The following MYO16 variants were observed in gnomAD, a reference collection of about 807,000 sequenced individuals.
MYO16 encodes the protein myosin XVI.
MYO16 carries 94 observed loss-of-function variants against 205.3 expected under a neutral mutation model. The ratio of observed to expected loss-of-function variants is 0.46; its 90% CI spans 0.39 to 0.54. The LOEUF (loss-of-function observed/expected upper bound fraction) is 0.54, where lower values mean the gene tolerates loss of function less well. Ranked by LOEUF, MYO16 falls within the 20% of genes least tolerant of loss-of-function variation. The probability of loss-of-function intolerance (pLI) is 0.00; values close to 1 mark genes in which losing one functional copy is unlikely to be tolerated. For synonymous variants in MYO16, 988 were observed against 954.0 expected (o/e 1.04, Z -0.66); for missense variants, 2,315 against 2,387.5 (o/e 0.97, Z 0.63).
intron 21 of MYO16, among the ~76,000 whole-genome samples, chr13:108,993,024 A>G (rs1203608221): frequency 6.6e-6 from 1 of 152,204 alleles, no homozygotes; most frequent in Non-Finnish European, 1.5e-5. Context: ...CTAAGTGTTA[A>G]TAAAGACAGT....
intron 23 of MYO16, among the ~76,000 whole-genome samples, chr13:109,026,282 G>A (rs1886357795): frequency 6.6e-6 from 1 of 152,118 alleles, no homozygotes; most frequent in Admixed American, 6.6e-5. Flanking sequence ...GATGATTCTG[G>A]CTTATCTGGG....
chr13:108,676,624 A>G (rs1313213622), intron 2 of MYO16, among the ~76,000 whole-genome samples: 6 of 152,122 alleles, frequency 3.9e-5, no homozygotes, highest in African/African-American at 1.2e-4. Context: ...AGAAGGGGAG[A>G]GTGTGGGCAC....
intron 20 of MYO16, among the ~76,000 whole-genome samples, chr13:108,978,542 G>T (rs1884351013): frequency 6.6e-6 from 1 of 151,620 alleles, no homozygotes; most frequent in Admixed American, 6.6e-5. Context: ...TTTATTTTTT[G>T]ATGTTGAATC....
chr13:108,749,745 T>TA (rs1885170471), intron 4 of MYO16, among the ~76,000 whole-genome samples: 1 of 152,208 alleles, frequency 6.6e-6, no homozygotes, highest in Admixed American at 6.5e-5. Flanking sequence ...AATATAGTCT[T>TA]ACAATACAAC....
Position 108,883,171 on chromosome 13 carries a change from A to C in MYO16, c.1538A>C (p.Gln513Pro). ...FHQLFREQRP[Q>P]CFILSGERGS... ...CAGCTCTTCCGGGAACAGCGGCCTC[A>C]GTGTTTCATCCTCAGGTGAGTCCTC... Residue 513 changes from glutamine (Q) to proline (P), a missense_variant, in exon 13 of 35, where the codon CAG becomes CCG. Gln to Pro is a moderately conservative substitution (Grantham distance 76, BLOSUM62 -1). Coordinates refer to ENST00000457511, the MANE Select transcript of MYO16 (RefSeq NM_001198950.3). The C allele has an allele frequency of 6.2e-7, 1 of 1,613,888 alleles. No individual in the cohort carries two copies. Among genetic ancestry groups the C allele is most frequent in the Non-Finnish European group, 8.5e-7 (1 of 1,179,846 alleles).
At chr13:108,510,424 A>ATTTTTTTTTTTTTTTT in the MYO16 span, among the ~76,000 whole-genome samples, 1 of 16,048 alleles carries the variant, frequency 6.2e-5, no homozygotes, top group Non-Finnish European at 1.2e-4. Context: ...GTAGATAGTT[A>ATTTTTTTTTTTTTTTT]ATTTTTTTTT....
the MYO16 span, among the ~76,000 whole-genome samples, chr13:108,574,292 T>C: frequency 9.9e-5 from 15 of 152,042 alleles, no homozygotes; most frequent in Admixed American, 5.2e-4. Context: ...CAGGAAACTG[T>C]CTAAAAGCTC....
intron 27 of MYO16, among the ~76,000 whole-genome samples, chr13:109,088,011 A>G (rs1395164246): frequency 2.0e-5 from 3 of 152,202 alleles, no homozygotes; most frequent in African/African-American, 7.2e-5. Flanking sequence ...CATGAAGGAT[A>G]AAGATATCGA....
intron 22 of MYO16, among the ~76,000 whole-genome samples, chr13:109,015,326 T>C (rs1161816167): frequency 1.3e-5 from 2 of 152,188 alleles, no homozygotes; most frequent in African/African-American, 4.8e-5. Context: ...TTGATCATGG[T>C]GGATAAGCTC....
intron 6 of MYO16, among the ~76,000 whole-genome samples, chr13:108,797,447 T>A (rs1215043915): frequency 6.6e-6 from 1 of 152,140 alleles, no homozygotes; most frequent in Non-Finnish European, 1.5e-5. Context: ...AGAAATGGGA[T>A]GAGAAGGAGC....
chr13:108,988,108 A>G (rs573552280), intron 20 of MYO16, among the ~76,000 whole-genome samples: 3 of 152,308 alleles, frequency 2.0e-5, no homozygotes, highest in East Asian at 1.9e-4. Flanking sequence ...AATTTTGCCT[A>G]TAGGATTGAG....
At chr13:108,951,607 C>T (rs984555043) in intron 16 of MYO16, among the ~76,000 whole-genome samples, 2 of 152,030 alleles carry the variant, frequency 1.3e-5, no homozygotes, top group Non-Finnish European at 2.9e-5. Context: ...CTAGAATTTG[C>T]TGTAAGGAGA....
the MYO16 span, among the ~76,000 whole-genome samples, chr13:108,525,980 T>C: frequency 6.7e-6 from 1 of 148,282 alleles, no homozygotes; most frequent in African/African-American, 2.5e-5. Context: ...GGAGGAGAGA[T>C]GAGAAAGACA....
At chr13:108,671,069 A>G (rs1296218129) in intron 2 of MYO16, among the ~76,000 whole-genome samples, 9 of 152,236 alleles carry the variant, frequency 5.9e-5, no homozygotes, top group Non-Finnish European at 1.2e-4. Context: ...AGCAGAGAGT[A>G]AATTTTTATT....
chr13:108,509,737 T>C, the MYO16 span, among the ~76,000 whole-genome samples: 1 of 152,204 alleles, frequency 6.6e-6, no homozygotes, highest in East Asian at 1.9e-4. Flanking sequence ...ATATGGCACA[T>C]GTATACATAT....
At chr13:108,952,694 T>A (rs1883202175) in intron 16 of MYO16, among the ~76,000 whole-genome samples, 1 of 152,184 alleles carries the variant, frequency 6.6e-6, no homozygotes, top group South Asian at 2.1e-4. Context: ...GCCAATCTTT[T>A]AAAAACAAAA....
intron 6 of MYO16, among the ~76,000 whole-genome samples, chr13:108,798,685 C>CTTTTT (rs1163799788): frequency 7.6e-5 from 8 of 105,220 alleles, no homozygotes; most frequent in African/African-American, 2.5e-4. Context: ...GGCCCCGAGG[C>CTTTTT]TTATTTTTTT....
intron 16 of MYO16, among the ~76,000 whole-genome samples, chr13:108,923,771 TG>T (rs772579785): frequency 8.5e-4 from 130 of 152,356 alleles, no homozygotes; most frequent in Non-Finnish European, 1.7e-3. Context: ...TTTCTGTCTT[TG>T]GCTTGTTTGT....
chr13:108,787,357 A>T (rs561234609), intron 5 of MYO16, among the ~76,000 whole-genome samples: 10 of 152,360 alleles, frequency 6.6e-5, no homozygotes, highest in African/African-American at 2.2e-4. Flanking sequence ...ATTTTTAAAA[A>T]GTACTTGACC....
Sources: allele counts gnomAD v4.1 joint callset (sites outside exome capture counted in the v4.1 genomes callset), GRCh38; gene constraint gnomAD v4.1.1; transcripts MANE v1.5; gene names NCBI Gene and HGNC (gene_info 2026-07-23, HGNC 2026-07-21).